EHMT1: variants seen among roughly 807,000 people sequenced by gnomAD.
EHMT1 encodes the protein euchromatic histone lysine methyltransferase 1.
Under a neutral mutation model 147.2 loss-of-function variants are expected in EHMT1, and 15 were observed. That is an observed-to-expected ratio of 0.10 (90% CI 0.07 to 0.16). EHMT1 has a LOEUF of 0.16. EHMT1 is among the 10% of genes least tolerant of loss of function. The probability of loss-of-function intolerance (pLI) is 1.00; values close to 1 mark genes in which losing one functional copy is unlikely to be tolerated. For synonymous variants in EHMT1, 795 were observed against 709.6 expected, an observed-to-expected ratio of 1.12 and a Z score of -1.91; for missense variants, 1,587 against 1,772.4, an observed-to-expected ratio of 0.90 and a Z score of 1.88.
chr9:137,708,579 T>C (rs538569506), intron 1 of EHMT1, among the ~76,000 whole-genome samples: 24 of 152,258 alleles, frequency 1.6e-4, no homozygotes, highest in Non-Finnish European at 3.4e-4. Flanking sequence ...ACCGCTCATG[T>C]AATAAGAAAA....
At chr9:137,822,472 G>A (rs963995111) in intron 25 of EHMT1, among the ~76,000 whole-genome samples, 4 of 152,130 alleles carry the variant, frequency 2.6e-5, no homozygotes, top group Non-Finnish European at 4.4e-5. Context: ...TAGCACTTCC[G>A]TTCCCACCTC....
intron 22 of EHMT1, chr9:137,815,229 G>A (rs1479052832): frequency 6.1e-6 from 1 of 164,710 alleles, no homozygotes; most frequent in East Asian, 1.7e-4. Flanking sequence ...CTGAATTAGA[G>A]GCTCCAATGG....
intron 12 of EHMT1, 193 bp downstream of exon 12, chr9:137,777,037 G>T (rs1437909437): frequency 2.3e-5 from 14 of 610,176 alleles, no homozygotes; most frequent in Non-Finnish European, 3.7e-5. Context: ...CTCTCTTTCG[G>T]TTTGGTTATG....
intron 25 of EHMT1, among the ~76,000 whole-genome samples, chr9:137,821,626 C>G (rs1397050276): frequency 6.6e-6 from 1 of 152,136 alleles, no homozygotes; most frequent in Non-Finnish European, 1.5e-5. Context: ...GCCACTGTGC[C>G]CAGCTTCACC....
chr9:137,735,214 G>A (rs1947430857), intron 4 of EHMT1, among the ~76,000 whole-genome samples: 1 of 152,200 alleles, frequency 6.6e-6, no homozygotes, highest in Non-Finnish European at 1.5e-5. Flanking sequence ...TTGGGGCACA[G>A]CATGAATAAA....
chr9:137,674,426 A>G (rs1056095360), intron 1 of EHMT1, among the ~76,000 whole-genome samples: 1 of 151,930 alleles, frequency 6.6e-6, no homozygotes, highest in African/African-American at 2.4e-5. Flanking sequence ...GCTCTCCCAC[A>G]CTCTGCAGGC....
intron 1 of EHMT1, among the ~76,000 whole-genome samples, chr9:137,654,013 C>T (rs1276525280): frequency 6.6e-6 from 1 of 152,186 alleles, no homozygotes; most frequent in Non-Finnish European, 1.5e-5. Context: ...GCATATGGCT[C>T]TCCCGGTGTC....
At chr9:137,753,870 C>T (rs1432434018) in intron 7 of EHMT1, among the ~76,000 whole-genome samples, 1 of 152,132 alleles carries the variant, frequency 6.6e-6, no homozygotes, top group Non-Finnish European at 1.5e-5. Context: ...TATTTAGTTC[C>T]TGAGTAGAAC....
chr9:137,626,683 G>T (rs935436983), intron 1 of EHMT1, among the ~76,000 whole-genome samples: 4 of 152,038 alleles, frequency 2.6e-5, no homozygotes, highest in African/African-American at 9.7e-5. Flanking sequence ...TGCGAATAAA[G>T]CACTCACCAT....
chr9:137,726,780 C>A (rs1314313927), intron 3 of EHMT1, among the ~76,000 whole-genome samples: 2 of 152,182 alleles, frequency 1.3e-5, no homozygotes. Context: ...TCTGTTCTTT[C>A]CTAGTAGCCA....
chr9:137,648,546 T>C (rs1033215336), intron 1 of EHMT1, among the ~76,000 whole-genome samples: 2 of 150,850 alleles, frequency 1.3e-5, no homozygotes, highest in Non-Finnish European at 2.9e-5. Flanking sequence ...TGGTCCCAGC[T>C]ACTTGGGAGG....
At position 137,626,748 on chromosome 9, in the gene EHMT1, G is replaced by T. The variant is rs1001381052; in HGVS notation, c.21+7699G>T. ...TTGTTGCCTTCACTGTAGGGTGATG[G>T]TTGGCTGCTGCTGTTTTGTTGGCTC... On this transcript the variant is annotated intron_variant, in intron 1 of 26. Coordinates refer to ENST00000460843, the MANE Select transcript of EHMT1 (RefSeq NM_024757.5). Among the ~76,000 whole-genome samples the T allele has an allele frequency of 8.6e-5, 13 of 151,430 alleles. No individual in the cohort carries two copies. The South Asian group carries it at 2.7e-3, about 32-fold the overall frequency.
At chr9:137,713,840 C>T (rs922072881) in intron 2 of EHMT1, among the ~76,000 whole-genome samples, 1 of 151,966 alleles carries the variant, frequency 6.6e-6, no homozygotes, top group Non-Finnish European at 1.5e-5. Flanking sequence ...ATCCCAGCTA[C>T]TCATGAGGCT....
chr9:137,695,477 G>C (rs1943327962), intron 1 of EHMT1, among the ~76,000 whole-genome samples: 1 of 152,218 alleles, frequency 6.6e-6, no homozygotes, highest in Admixed American at 6.5e-5. Flanking sequence ...AAACTCGGTG[G>C]CTGAAACAAC....
chr9:137,810,347 T>C (rs1954364060), intron 18 of EHMT1, among the ~76,000 whole-genome samples: 1 of 152,196 alleles, frequency 6.6e-6, no homozygotes, highest in Admixed American at 6.5e-5. Flanking sequence ...TGGGAGCCTC[T>C]GGTGATGACG....
chr9:137,711,063 G>A (rs1944665370), intron 2 of EHMT1, 33 bp downstream of exon 2: 1 of 1,566,106 alleles, frequency 6.4e-7, no homozygotes, highest in Non-Finnish European at 8.7e-7. Context: ...GACAGGAGCA[G>A]CGCCTCCCTC....
At chr9:137,758,084 A>G in intron 9 of EHMT1, 73 bp downstream of exon 9, 3 of 1,598,912 alleles carry the variant, frequency 1.9e-6, no homozygotes, top group Non-Finnish European at 2.6e-6. Context: ...CCTCTGTATT[A>G]GCATGATGCC....
chr9:137,765,690 G>T (rs1280244052), intron 10 of EHMT1, among the ~76,000 whole-genome samples: 1 of 22,178 alleles, frequency 4.5e-5, no homozygotes, highest in African/African-American at 1.8e-4. Flanking sequence ...GCCCCAGCCT[G>T]TCCCCGCTTG....
At position 137,776,875 on chromosome 9, in the gene EHMT1, C is replaced by T. The variant is rs1328663702; in HGVS notation, c.2018+31C>T. Reference sequence around the variant, plus strand: ...TGGCACAGGCTCTGGCTGGGCTCTCCAGTCGTCCACCTGAAAAAGTTTCAG... The same window carrying T: ...TGGCACAGGCTCTGGCTGGGCTCTCTAGTCGTCCACCTGAAAAAGTTTCAG... On this transcript the variant is annotated intron_variant, in intron 12 of 26. Coordinates refer to ENST00000460843, the MANE Select transcript of EHMT1 (RefSeq NM_024757.5). This position sits in a 1 kb window ranked among gnomAD's most constrained non-coding sequence, Gnocchi z 4.4. The T allele has an allele frequency of 1.2e-6, 2 of 1,606,416 alleles. No individual in the cohort carries two copies. The highest frequency in any genetic ancestry group is 2.2e-5 in the East Asian group (1 of 44,824).
Sources: allele counts gnomAD v4.1 joint callset (sites outside exome capture counted in the v4.1 genomes callset), GRCh38; gene constraint gnomAD v4.1.1; non-coding constraint Gnocchi (gnomAD v3.1); transcripts MANE v1.5; gene names NCBI Gene and HGNC (gene_info 2026-07-23, HGNC 2026-07-21).